The following CD274 variants were observed in gnomAD, a reference collection of about 807,000 sequenced individuals.
CD274 encodes CD274 molecule.
A neutral mutation model predicts 30.1 loss-of-function variants in CD274; 8 were observed. The ratio of observed to expected loss-of-function variants is 0.27; its 90% CI spans 0.16 to 0.48. The LOEUF is 0.48. CD274 is among the 20% of genes least tolerant of loss of function. The pLI, the probability that CD274 is intolerant of heterozygous loss-of-function variation, is 0.99. For synonymous variants in CD274, 152 were observed against 124.6 expected (o/e 1.22, Z -1.46); for missense variants, 353 against 346.6 (o/e 1.02, Z -0.15).
intron 4 of CD274, among the ~76,000 whole-genome samples, chr9:5,464,432 T>C (rs1366595238): frequency 6.6e-6 from 1 of 152,156 alleles, no homozygotes; most frequent in Non-Finnish European, 1.5e-5. Flanking sequence ...GCTGTTGTTG[T>C]GTCTTTAAAG....
At chr9:5,451,938 C>G (rs1819211518) in intron 1 of CD274, among the ~76,000 whole-genome samples, 1 of 152,008 alleles carries the variant, frequency 6.6e-6, no homozygotes, top group African/African-American at 2.4e-5. Context: ...TCCTCAGGCT[C>G]CAGAAGTCCT....
chr9:5,451,186 G>A (rs933828598), intron 1 of CD274, among the ~76,000 whole-genome samples: 1 of 152,152 alleles, frequency 6.6e-6, no homozygotes, highest in Non-Finnish European at 1.5e-5. Flanking sequence ...TTCAGTCTGG[G>A]TTTGTCTTAT....
Position 5,462,996 on chromosome 9 carries a change from G to C in CD274, c.557G>C (p.Arg186Thr), listed in dbSNP as rs1391142371. The part of the protein sequence containing the change: ...SGKTTTTNSK[R>T]EEKLFNVTST... Reference sequence around the variant, plus strand: ...AAGACCACCACCACCAATTCCAAGAGAGAGGAGAAGCTTTTCAATGTGACC... The same window carrying C: ...AAGACCACCACCACCAATTCCAAGACAGAGGAGAAGCTTTTCAATGTGACC... The change falls in exon 4 of 7, where the codon AGA becomes ACA. Residue 186 changes from arginine (R) to threonine (T), a missense_variant. Transcript: ENST00000381577. 6.2e-7 allele frequency: 1 copy of C among 1,614,084 alleles called. No individual in the cohort carries two copies.
intron 4 of CD274, among the ~76,000 whole-genome samples, chr9:5,465,013 G>T (rs189448269): frequency 6.6e-6 from 1 of 151,890 alleles, no homozygotes; most frequent in East Asian, 1.9e-4. Context: ...CTTGAACCTG[G>T]GAGGCGGAAG....
rs568469048 is a variant in CD274 at position 5,459,611 on chromosome 9, A to G, written c.394+2191A>G. 3.2e-4 allele frequency among the ~76,000 whole-genome samples: 49 copies of G among 152,350 alleles called. 1 individual carries two copies. The highest frequency in any genetic ancestry group is 1.2e-3 in the Admixed American group (18 of 15,296). ...AAACATTTCAAAACTGAAATTTGAA[A>G]GAATTTAGTTTTGGATTCACTCAAT... is the stretch of plus-strand genomic sequence containing the variant. On this transcript the variant is annotated intron_variant, in intron 3 of 6. Coordinates refer to ENST00000381577, the MANE Select transcript of CD274 (RefSeq NM_014143.4).
rs1819526307 is a variant in CD274 at position 5,468,022 on chromosome 9, AGAG to A, written c.*167_*169del. 9 of 654,742 alleles carry A rather than the reference AGAG, an allele frequency of 1.4e-5. No homozygotes were observed. The South Asian group carries it at 1.4e-4, about 10-fold the overall frequency. The allele number at this position is 654,742 out of a possible 1,614,324, so 40.6% of individuals were successfully genotyped here. On this transcript the variant is annotated 3_prime_UTR_variant, in exon 7 of 7. Coordinates refer to ENST00000381577, the MANE Select transcript of CD274 (RefSeq NM_014143.4). ...ACTGAAAATGGAACCTGGCGAAAGC[AGAG>A]GAGGAGAATGAAGAAAGATGGAGTC...
At chr9:5,456,735 C>G (rs954450865) in intron 2 of CD274, among the ~76,000 whole-genome samples, 3 of 152,192 alleles carry the variant, frequency 2.0e-5, no homozygotes, top group Non-Finnish European at 4.4e-5. Flanking sequence ...AAATAGGTGT[C>G]CTGTCAAAGG....
intron 1 of CD274, among the ~76,000 whole-genome samples, chr9:5,453,008 A>C (rs1044310246): frequency 6.6e-6 from 1 of 151,690 alleles, no homozygotes; most frequent in Non-Finnish European, 1.5e-5. Context: ...AAAATATTTT[A>C]TAAGTAATAT....
intron 1 of CD274, among the ~76,000 whole-genome samples, chr9:5,453,291 T>C (rs1158585402): frequency 6.6e-6 from 1 of 152,174 alleles, no homozygotes; most frequent in Non-Finnish European, 1.5e-5. Flanking sequence ...ACCAGTGACA[T>C]AAACAGACCA....
intron 3 of CD274, among the ~76,000 whole-genome samples, chr9:5,460,697 G>A (rs531779403): frequency 7.2e-5 from 11 of 152,228 alleles, no homozygotes; most frequent in Admixed American, 3.9e-4. Flanking sequence ...TCTGGTGTAC[G>A]TATCAAGTTA....
chr9:5,461,722 T>G (rs1271804111), intron 3 of CD274, among the ~76,000 whole-genome samples: 1 of 152,142 alleles, frequency 6.6e-6, no homozygotes, highest in East Asian at 1.9e-4. Context: ...GCTCTTATGC[T>G]ATATAGGTGC....
Position 5,463,000 on chromosome 9 carries a change from G to T in CD274, c.561G>T (p.Glu187Asp), listed in dbSNP as rs1347840317. The T allele has an allele frequency of 1.2e-6, 2 of 1,614,054 alleles. No individual in the cohort carries two copies. The highest frequency in any genetic ancestry group is 2.2e-5 in the South Asian group (2 of 91,090). ...CCACCACCACCAATTCCAAGAGAGA[G>T]GAGAAGCTTTTCAATGTGACCAGCA... ...GKTTTTNSKREEKLFNVTSTL... is the reference protein window; with the variant it reads ...GKTTTTNSKRDEKLFNVTSTL... The change falls in exon 4 of 7, where the codon GAG becomes GAT. Residue 187 changes from glutamate (E) to aspartate (D), a missense_variant. Transcript: ENST00000381577.
rs1043220447 is a variant in CD274 at position 5,469,205 on chromosome 9, A to G, written c.*1343A>G. On this transcript the variant is annotated 3_prime_UTR_variant, in exon 7 of 7. Coordinates refer to ENST00000381577, the MANE Select transcript of CD274 (RefSeq NM_014143.4). The stretch of plus-strand genomic sequence containing the variant: ...ACTGGAATTCCTTTTCTAGCATTAT[A>G]TTTATTCCTGATTTGCCTTTGCCAT... 4.3e-6 allele frequency: 1 copy of G among 232,882 alleles called. No individual in the cohort carries two copies. Among genetic ancestry groups the G allele is most frequent in the Admixed American group, 5.6e-5 (1 of 17,784 alleles). 14.4% of individuals were successfully genotyped at this position (232,882 alleles called of 1,614,324 possible). A position where few individuals can be genotyped will look rare whatever the true frequency, so the allele number is the denominator to read the frequency against.
intron 3 of CD274, among the ~76,000 whole-genome samples, chr9:5,460,165 G>C (rs1819379530): frequency 1.3e-5 from 2 of 152,054 alleles, no homozygotes; most frequent in South Asian, 4.1e-4. Context: ...TCCTCAAATA[G>C]GATTAGCCTA....
chr9:5,451,650 C>T (rs1563801023), intron 1 of CD274, among the ~76,000 whole-genome samples: 1 of 152,180 alleles, frequency 6.6e-6, no homozygotes, highest in Non-Finnish European at 1.5e-5. Flanking sequence ...CACATGACAG[C>T]AGTTAGAGTG....
At chr9:5,453,172 A>G (rs822339) in intron 1 of CD274, among the ~76,000 whole-genome samples, 116,954 of 151,910 alleles carry the variant, frequency 0.77, 45,817 homozygotes, top group African/African-American at 0.9. Flanking sequence ...ACGGAAAGGA[A>G]AGAAATAAAA....
chr9:5,462,871 G>A lies in CD274; in HGVS notation c.432G>A (p.Val144=), dbSNP rs1563804842. 1 of 1,613,798 alleles carries A rather than the reference G, an allele frequency of 6.2e-7. No individual in the cohort carries two copies. Among genetic ancestry groups the A allele is most frequent in the Non-Finnish European group, 8.5e-7 (1 of 1,179,770 alleles). ...YNKINQRILV[V]DPVTSEHELT... ...AAATCAACCAAAGAATTTTGGTTGTGGATCCAGTCACCTCTGAACATGAAC... is the reference window on the plus strand; with the variant it reads ...AAATCAACCAAAGAATTTTGGTTGTAGATCCAGTCACCTCTGAACATGAAC... Residue 144 remains valine (V), a synonymous_variant, in exon 4 of 7, where the codon GTG becomes GTA. Coordinates refer to ENST00000381577, the MANE Select transcript of CD274 (RefSeq NM_014143.4).
chr9:5,457,035 G>C (rs746669461), intron 2 of CD274, 44 bp from the exon 3 acceptor site: 8 of 1,386,670 alleles, frequency 5.8e-6, no homozygotes, highest in Non-Finnish European at 7.0e-6. Context: ...TAAATGTTTC[G>C]AGGAATTTTC....
intron 4 of CD274, 88 bp from the exon 5 acceptor site, chr9:5,465,411 T>A (rs1819479964): frequency 1.4e-6 from 1 of 739,550 alleles, no homozygotes; most frequent in African/African-American, 1.8e-5. Flanking sequence ...AAAGCTAAAC[T>A]AAACTTCAAG....
Sources: gnomAD v4.1 joint callset for allele counts (sites outside exome capture counted in the v4.1 genomes callset) on GRCh38, gnomAD v4.1.1 for gene constraint, MANE v1.5 for transcripts, NCBI Gene and HGNC (gene_info 2026-07-23, HGNC 2026-07-21) for gene names.